Variants in CDK14 observed in about 807,000 individuals in gnomAD.
The protein encoded by CDK14 is cyclin-dependent kinase 14.
CDK14 carries 34 observed loss-of-function variants against 60.7 expected under a neutral mutation model. The ratio of observed to expected loss-of-function variants is 0.56; its 90% confidence interval spans 0.43 to 0.75. CDK14 has a LOEUF of 0.75. CDK14 is among the 30% of genes least tolerant of loss of function. The probability of loss-of-function intolerance (pLI) is 0.00; values close to 1 mark genes in which losing one functional copy is unlikely to be tolerated. For missense variants in CDK14, 482 were observed against 564.1 expected (o/e 0.85, Z 1.47); for synonymous variants, 197 against 203.7 (o/e 0.97, Z 0.28).
At chr7:90,676,133 C>T (rs1212657871) in intron 2 of CDK14, among the ~76,000 whole-genome samples, 1 of 152,188 alleles carries the variant, frequency 6.6e-6, no homozygotes, top group African/African-American at 2.4e-5. Context: ...CAAATCCCTG[C>T]TTTCACAATC....
intron 14 of CDK14, among the ~76,000 whole-genome samples, chr7:91,141,081 C>T (rs1800442255): frequency 6.6e-6 from 1 of 152,132 alleles, no homozygotes; most frequent in South Asian, 2.1e-4. Flanking sequence ...GATTTTTGTA[C>T]ATCAGCAAAA....
intron 8 of CDK14, among the ~76,000 whole-genome samples, chr7:90,926,501 A>G (rs532993590): frequency 5.4e-4 from 82 of 152,320 alleles, no homozygotes; most frequent in Non-Finnish European, 1.1e-3. Context: ...GGCTTTAATA[A>G]TGTTCCTGTT....
At chr7:90,812,951 A>G (rs1789195699) in intron 5 of CDK14, among the ~76,000 whole-genome samples, 1 of 152,208 alleles carries the variant, frequency 6.6e-6, no homozygotes, top group Non-Finnish European at 1.5e-5. Context: ...ATACTTCCAC[A>G]TGAAGACATT....
chr7:90,944,067 G>T (rs1052767034), intron 8 of CDK14, among the ~76,000 whole-genome samples: 1 of 152,106 alleles, frequency 6.6e-6, no homozygotes, highest in Admixed American at 6.6e-5. Context: ...ATCATGTTTT[G>T]CCCTTTTGTA....
rs112786126 is a variant in CDK14, at chr7:90,644,385, C to T, written c.123+40136C>T. Among the ~76,000 whole-genome samples the T allele has an allele frequency of 5.8e-3, 891 of 152,324 alleles. 7 individuals carry two copies. The highest frequency in any genetic ancestry group is 8.3e-3 in the Non-Finnish European group (563 of 68,032). On this transcript the variant is annotated intron_variant, in intron 2 of 14. Transcript: ENST00000380050. Reference sequence around the variant, plus strand: ...AGTATGAGTTAAGTCATATCTTTATCTCCGTTTTCCTGATGGGTAATCTAA... The same window carrying T: ...AGTATGAGTTAAGTCATATCTTTATTTCCGTTTTCCTGATGGGTAATCTAA...
intron 10 of CDK14, among the ~76,000 whole-genome samples, chr7:91,013,656 G>GTTTTT (rs56934476): frequency 6.5e-5 from 8 of 123,378 alleles, no homozygotes; most frequent in African/African-American, 1.5e-4. Flanking sequence ...CATTGCCTCT[G>GTTTTT]TTTTTTTTTT....
intron 4 of CDK14, among the ~76,000 whole-genome samples, chr7:90,755,109 C>G (rs1051746191): frequency 6.6e-6 from 1 of 152,160 alleles, no homozygotes; most frequent in Non-Finnish European, 1.5e-5. Context: ...AGTCTCATTA[C>G]TGGGTATATA....
chr7:90,899,248 A>T, intron 6 of CDK14, 43 bp from the exon 7 acceptor site: 1 of 1,433,734 alleles, frequency 7.0e-7, no homozygotes, highest in Non-Finnish European at 9.7e-7. Context: ...TTATTATGTT[A>T]TAGCCAGAGG....
At chr7:90,953,944 G>C (rs1415086115) in intron 8 of CDK14, among the ~76,000 whole-genome samples, 1 of 151,952 alleles carries the variant, frequency 6.6e-6, no homozygotes, top group African/African-American at 2.4e-5. Context: ...AATTAATGTA[G>C]GATAAAACCT....
At chr7:90,896,462 T>G (rs1562818409) in intron 6 of CDK14, among the ~76,000 whole-genome samples, 4 of 152,164 alleles carry the variant, frequency 2.6e-5, no homozygotes, top group African/African-American at 7.2e-5. Flanking sequence ...AAACTATGAT[T>G]GAATGCCTTC....
At chr7:90,762,392 C>T (rs915432889) in intron 4 of CDK14, among the ~76,000 whole-genome samples, 2 of 152,096 alleles carry the variant, frequency 1.3e-5, no homozygotes, top group African/African-American at 4.8e-5. Context: ...TGAATTTTTG[C>T]TCTCTCTGGG....
intron 1 of CDK14, among the ~76,000 whole-genome samples, chr7:90,598,152 CTA>C: frequency 6.6e-6 from 1 of 152,322 alleles, no homozygotes; most frequent in African/African-American, 2.4e-5. Flanking sequence ...AACACATTAA[CTA>C]TATATTTACT....
intron 14 of CDK14, among the ~76,000 whole-genome samples, chr7:91,167,034 G>T (rs1037758529): frequency 6.6e-6 from 1 of 152,238 alleles, no homozygotes; most frequent in Non-Finnish European, 1.5e-5. Context: ...TAGACAAATT[G>T]TACTGTGTCG....
At chr7:90,854,550 T>C (rs1002940722) in intron 5 of CDK14, among the ~76,000 whole-genome samples, 2 of 151,848 alleles carry the variant, frequency 1.3e-5, no homozygotes, top group African/African-American at 2.4e-5. Flanking sequence ...ATAAATAAAA[T>C]ATACGTAAAT....
intron 10 of CDK14, among the ~76,000 whole-genome samples, chr7:90,997,192 G>A (rs904321206): frequency 1.3e-5 from 2 of 152,160 alleles, no homozygotes; most frequent in Non-Finnish European, 2.9e-5. Flanking sequence ...CACTGCAGCT[G>A]TTTTGCTCTT....
At chr7:90,744,424 A>G (rs968495525) in intron 3 of CDK14, among the ~76,000 whole-genome samples, 1 of 152,190 alleles carries the variant, frequency 6.6e-6, no homozygotes, top group Non-Finnish European at 1.5e-5. Flanking sequence ...CTATACAGAC[A>G]CGGCAACCAT....
chr7:91,014,672 G>A (rs923825876), intron 10 of CDK14, among the ~76,000 whole-genome samples: 1 of 152,192 alleles, frequency 6.6e-6, no homozygotes, highest in Non-Finnish European at 1.5e-5. Flanking sequence ...CATACCATGG[G>A]TTCATTGTCA....
chr7:90,620,587 C>T (rs567189547), intron 2 of CDK14, among the ~76,000 whole-genome samples: 1 of 152,256 alleles, frequency 6.6e-6, no homozygotes, highest in East Asian at 1.9e-4. Flanking sequence ...TAACCCTCTC[C>T]ACCTGGCAAA....
chr7:90,607,619 C>CTGTGTTTGTGAGCACACGTG (rs1799445134), intron 2 of CDK14, among the ~76,000 whole-genome samples: 1 of 152,162 alleles, frequency 6.6e-6, no homozygotes, highest in Admixed American at 6.5e-5. Flanking sequence ...GTAAACTGGG[C>CTGTGTTTGTGAGCACACGTG]TGTGTTTGTG....
Sources: gnomAD v4.1 joint callset for allele counts (sites outside exome capture counted in the v4.1 genomes callset) on GRCh38, gnomAD v4.1.1 for gene constraint, MANE v1.5 for transcripts, NCBI Gene and HGNC (gene_info 2026-07-23, HGNC 2026-07-21) for gene names.